Variants in CEP72 observed in about 807,000 individuals in gnomAD.
CEP72 encodes centrosomal protein of 72 kDa.
In CEP72, 78 loss-of-function variants were observed where a neutral mutation model predicts 65.7. The ratio of observed to expected loss-of-function variants is 1.19; its 90% CI spans 0.99 to 1.43. The LOEUF is 1.43. Ranked by LOEUF, CEP72 falls within the 40% of genes most tolerant of loss-of-function variation. CEP72 has a pLI of 0.00. For synonymous variants in CEP72, 358 were observed against 351.7 expected, an observed-to-expected ratio of 1.02 and a Z score of -0.20; for missense variants, 914 against 832.9, an observed-to-expected ratio of 1.10 and a Z score of -1.20.
At chr5:617,207 C>T (rs891306428) in intron 1 of CEP72, among the ~76,000 whole-genome samples, 1 of 152,174 alleles carries the variant, frequency 6.6e-6, no homozygotes, top group African/African-American at 2.4e-5. Flanking sequence ...TGGGTTCTCT[C>T]TCGAGTGCCG....
At chr5:628,549 T>C (rs77008063) in intron 4 of CEP72, among the ~76,000 whole-genome samples, 1,217 of 35,268 alleles carry the variant, frequency 0.035, 4 homozygotes, top group Middle Eastern at 0.093. Flanking sequence ...GAACTCAGGT[T>C]GCAGTCCCCG....
intron 11 of CEP72, among the ~76,000 whole-genome samples, chr5:648,855 G>A (rs1738658496): frequency 8.6e-5 from 3 of 34,714 alleles, no homozygotes; most frequent in Non-Finnish European, 1.8e-4. Flanking sequence ...GGACTGTGAG[G>A]TGTGACTGTG....
chr5:625,732 G>T (rs1736710966), intron 4 of CEP72, among the ~76,000 whole-genome samples: 1 of 152,126 alleles, frequency 6.6e-6, no homozygotes, highest in South Asian at 2.1e-4. Context: ...GAGCCGTGCG[G>T]GAGAAGCTGT....
At chr5:667,991 T>C (rs865797319), downstream of CEP72, among the ~76,000 whole-genome samples, 7 of 30,232 alleles carry the variant, frequency 2.3e-4, 1 homozygote, top group South Asian at 2.7e-3. Context: ...GAGGGGGCCG[T>C]GTGGGCGCCG....
downstream of CEP72, among the ~76,000 whole-genome samples, chr5:658,220 C>T (rs1739433143): frequency 6.6e-6 from 1 of 152,240 alleles, no homozygotes; most frequent in African/African-American, 2.4e-5. Flanking sequence ...TGCCTGGGCT[C>T]TGGAGCTGAG....
chr5:621,247 C>T (rs1182600211), intron 3 of CEP72, among the ~76,000 whole-genome samples: 1 of 152,174 alleles, frequency 6.6e-6, no homozygotes, highest in Non-Finnish European at 1.5e-5. Flanking sequence ...GAACCTAGGA[C>T]CTTATCAAAA....
chr5:616,835 C>A (rs942680631), intron 1 of CEP72, among the ~76,000 whole-genome samples: 1 of 147,488 alleles, frequency 6.8e-6, no homozygotes, highest in Non-Finnish European at 1.5e-5. Context: ...TGTGTGTGCG[C>A]GCGAGTGGGG....
In CEP72 at chr5:615,906, A is replaced by G. The variant is rs182407731; in HGVS notation, c.83-3084A>G. Among the ~76,000 whole-genome samples, 12 of 152,308 alleles carry G rather than the reference A, an allele frequency of 7.9e-5. No homozygotes were observed. In the East Asian group the frequency reaches 2.3e-3, roughly 29 times the overall value. On this transcript the variant is annotated intron_variant, in intron 1 of 11. Coordinates refer to ENST00000264935, the MANE Select transcript of CEP72 (RefSeq NM_018140.4). ...TTCAACACAGTTTACTTGTACAGGT[A>G]TTTTACTACTTCTAAGTGAAATATA...
rs556077432 is a variant in CEP72, at chr5:637,393, AGT to A, written c.905-120_905-119del. On this transcript the variant is annotated intron_variant, in intron 6 of 11. Transcript: ENST00000264935. ...GGATAGGTGTGCGTGTACATATGTA[AGT>A]GTGCGTGTGTGTCCATGTGTGTATA... 5.1e-4 allele frequency: 400 copies of A among 779,838 alleles called. 1 individual carries two copies. Among genetic ancestry groups the A allele is most frequent in the Middle Eastern group, 7.6e-4 (3 of 3,954 alleles). 48.3% of individuals were successfully genotyped at this position (779,838 alleles called of 1,614,324 possible).
At chr5:674,817 C>CCCG in the CEP72 span, among the ~76,000 whole-genome samples, 9 of 151,794 alleles carry the variant, frequency 5.9e-5, no homozygotes, top group Admixed American at 5.9e-4. Flanking sequence ...CTCCAGGCAG[C>CCCG]GGCTGACATA....
At chr5:669,459 G>T (rs1292028187), downstream of CEP72, among the ~76,000 whole-genome samples, 4 of 152,152 alleles carry the variant, frequency 2.6e-5, no homozygotes, top group Non-Finnish European at 5.9e-5. Flanking sequence ...ATTGGGCCCT[G>T]TGGGGGTGTT....
intron 4 of CEP72, among the ~76,000 whole-genome samples, chr5:628,624 CCGGGGAG>C (rs1736950857): frequency 3.3e-5 from 4 of 119,412 alleles, no homozygotes; most frequent in South Asian, 3.2e-4. Flanking sequence ...GTCGCAGTCC[CCGGGGAG>C]TGGCCCCAGG....
intron 4 of CEP72, among the ~76,000 whole-genome samples, chr5:625,216 T>C (rs1391474638): frequency 6.6e-6 from 1 of 152,224 alleles, no homozygotes; most frequent in East Asian, 1.9e-4. Context: ...CGTGCTTTGT[T>C]TATGGGTTGA....
downstream of CEP72, among the ~76,000 whole-genome samples, chr5:658,430 G>A (rs925071192): frequency 5.9e-5 from 9 of 152,278 alleles, no homozygotes; most frequent in East Asian, 1.9e-4. Flanking sequence ...TCTGCCTCCC[G>A]GGGACTCAGC....
At chr5:618,068 G>A (rs958911110) in intron 1 of CEP72, among the ~76,000 whole-genome samples, 6 of 152,132 alleles carry the variant, frequency 3.9e-5, no homozygotes, top group African/African-American at 1.4e-4. Flanking sequence ...CAGGTTACCC[G>A]ACGAGTGGGT....
intron 11 of CEP72, among the ~76,000 whole-genome samples, chr5:649,634 T>G (rs62650522): frequency 6.4e-4 from 5 of 7,798 alleles, no homozygotes; most frequent in Non-Finnish European, 5.2e-4. Flanking sequence ...GACTGTGAGG[T>G]GTGACTGTGA....
chr5:614,699 C>T (rs1381740452), intron 1 of CEP72, among the ~76,000 whole-genome samples: 3 of 152,066 alleles, frequency 2.0e-5, no homozygotes, highest in African/African-American at 7.2e-5. Flanking sequence ...TTTAACGTTC[C>T]ATGTGTGGAT....
Position 637,693 on chromosome 5 carries a change from T to C in CEP72, c.1081T>C (p.Ser361Pro), listed in dbSNP as rs757317781. The C allele has an allele frequency of 6.2e-7, 1 of 1,613,784 alleles. No homozygotes were observed. Among genetic ancestry groups the C allele is most frequent in the Non-Finnish European group, 8.5e-7 (1 of 1,180,020 alleles). Residue 361 changes from serine (S) to proline (P), a missense_variant, in exon 7 of 12, where the codon TCC becomes CCC. Physicochemically the swap from Ser to Pro is moderately conservative, Grantham distance 74. Transcript: ENST00000264935. ...LGCPERTHGSSVPKESLSRQD... is the reference protein window; with the variant it reads ...LGCPERTHGSPVPKESLSRQD... ...CTGCCCGGAGAGAACTCATGGGTCC[T>C]CCGTGCCCAAGGAGAGCCTGAGCAG...
intron 9 of CEP72, chr5:640,990 C>G: frequency 3.0e-6 from 3 of 985,474 alleles, no homozygotes; most frequent in Non-Finnish European, 3.6e-6. Flanking sequence ...CGGCCAGTGT[C>G]CCATGGTGAG....
Sources: gnomAD v4.1 joint callset for allele counts (sites outside exome capture counted in the v4.1 genomes callset) on GRCh38, gnomAD v4.1.1 for gene constraint, MANE v1.5 for transcripts, NCBI Gene and HGNC (gene_info 2026-07-23, HGNC 2026-07-21) for gene names.